The following MYO3B variants were observed in gnomAD, a reference collection of about 807,000 sequenced individuals.
MYO3B encodes the protein myosin IIIB, also known as myosin-IIIb.
MYO3B carries 156 observed loss-of-function variants against 174.6 expected under a neutral mutation model. The observed-to-expected ratio is 0.89, with a 90% confidence interval of 0.78 to 1.02. The LOEUF (loss-of-function observed/expected upper bound fraction) is 1.02, where lower values mean the gene tolerates loss of function less well. MYO3B is among the 50% of genes least tolerant of loss of function. The pLI, the probability that MYO3B is intolerant of heterozygous loss-of-function variation, is 0.00. For synonymous variants in MYO3B, 563 were observed against 569.1 expected, an observed-to-expected ratio of 0.99 and a Z score of 0.15; for missense variants, 1,632 against 1,639.4, an observed-to-expected ratio of 1.00 and a Z score of 0.08.
At chr2:170,337,235 C>T (rs2093952133) in intron 8 of MYO3B, among the ~76,000 whole-genome samples, 1 of 152,032 alleles carries the variant, frequency 6.6e-6, no homozygotes, top group Non-Finnish European at 1.5e-5. Context: ...CTTGGGACCA[C>T]ATTTCAGACC....
intron 32 of MYO3B, among the ~76,000 whole-genome samples, chr2:170,572,196 G>A (rs367571572): frequency 1.2e-4 from 18 of 152,146 alleles, no homozygotes; most frequent in Admixed American, 5.9e-4. Context: ...TTAGGAGGCC[G>A]AGGCGGGTGG....
intron 22 of MYO3B, among the ~76,000 whole-genome samples, chr2:170,429,240 G>A (rs1257603162): frequency 6.6e-6 from 1 of 152,200 alleles, no homozygotes; most frequent in African/African-American, 2.4e-5. Flanking sequence ...ACTGTGGAAT[G>A]TAACTTCTCT....
chr2:170,243,525 G>A (rs2093159130), intron 7 of MYO3B, among the ~76,000 whole-genome samples: 1 of 152,170 alleles, frequency 6.6e-6, no homozygotes, highest in Non-Finnish European at 1.5e-5. Flanking sequence ...ACTTGACCAA[G>A]TTACTGCATG....
intron 7 of MYO3B, among the ~76,000 whole-genome samples, chr2:170,329,481 A>T (rs1221847336): frequency 6.6e-6 from 1 of 151,278 alleles, no homozygotes; most frequent in Non-Finnish European, 1.5e-5. Context: ...CACAGGTTCC[A>T]GTGATTCTTC....
intron 32 of MYO3B, among the ~76,000 whole-genome samples, chr2:170,563,177 A>G (rs1219192527): frequency 2.0e-5 from 3 of 151,854 alleles, no homozygotes; most frequent in Admixed American, 6.6e-5. Flanking sequence ...ATCAAACAGA[A>G]TCTCAGCAGG....
intron 22 of MYO3B, among the ~76,000 whole-genome samples, chr2:170,434,558 C>G (rs772442077): frequency 6.6e-6 from 1 of 151,968 alleles, no homozygotes; most frequent in Non-Finnish European, 1.5e-5. Flanking sequence ...AAGAGAATGA[C>G]GGGTGAGTGC....
chr2:170,185,666 C>T (rs961974151), intron 1 of MYO3B, among the ~76,000 whole-genome samples: 3 of 152,010 alleles, frequency 2.0e-5, no homozygotes, highest in African/African-American at 7.2e-5. Flanking sequence ...GATGTTTTTT[C>T]TATTTATGTG....
intron 7 of MYO3B, among the ~76,000 whole-genome samples, chr2:170,272,544 A>T (rs554744271): frequency 6.6e-6 from 1 of 152,196 alleles, no homozygotes; most frequent in Non-Finnish European, 1.5e-5. Flanking sequence ...GACCAAGGCA[A>T]TGAATGCAGT....
rs2094678838 is a variant in MYO3B, at chr2:170,427,994, A to T, written c.2651-15973A>T. On this transcript the variant is annotated intron_variant, in intron 22 of 34. Coordinates refer to ENST00000408978, the MANE Select transcript of MYO3B (RefSeq NM_138995.5). ...AGAATAGATGTTATAAAGATGTTGA[A>T]AAATGAACACCTTGAATTCATTAAT... Among the ~76,000 whole-genome samples, 3 of 152,364 alleles carry T rather than the reference A, an allele frequency of 2.0e-5. No individual in the cohort carries two copies. The South Asian group carries it at 6.2e-4, about 32-fold the overall frequency.
intron 9 of MYO3B, 42 bp from the exon 10 acceptor site, chr2:170,381,974 A>G: frequency 1.3e-6 from 2 of 1,525,080 alleles, no homozygotes; most frequent in Admixed American, 3.3e-5. Context: ...CTGCTACATT[A>G]TTTGCTGTCT....
chr2:170,575,292 A>G (rs1692718035), intron 32 of MYO3B, among the ~76,000 whole-genome samples: 1 of 152,122 alleles, frequency 6.6e-6, no homozygotes, highest in South Asian at 2.1e-4. Flanking sequence ...TCATATATGT[A>G]TTTATATATT....
chr2:170,341,891 A>G (rs926189721), intron 8 of MYO3B, among the ~76,000 whole-genome samples: 2 of 152,168 alleles, frequency 1.3e-5, no homozygotes, highest in African/African-American at 4.8e-5. Context: ...CTTATACCCT[A>G]CTTATAAAGT....
At position 170,542,898 on chromosome 2, in the gene MYO3B, C is replaced by A. The variant is rs1168241627; in HGVS notation, c.3576-8C>A. On this transcript the variant is annotated splice_polypyrimidine_tract_variant and splice_region_variant and intron_variant, in intron 30 of 34. Transcript: ENST00000408978. The stretch of plus-strand genomic sequence containing the variant: ...CTTTTAAAATTATTATTATTGTTAT[C>A]TTTTCAGGCATTCACAAGCCCAGAG... 6.3e-7 allele frequency: 1 copy of A among 1,590,704 alleles called. No individual in the cohort carries two copies. Among genetic ancestry groups the A allele is most frequent in the East Asian group, 2.2e-5 (1 of 44,490 alleles).
intron 22 of MYO3B, among the ~76,000 whole-genome samples, chr2:170,414,402 T>TG (rs2094565250): frequency 6.6e-6 from 1 of 152,190 alleles, no homozygotes; most frequent in Admixed American, 6.5e-5. Flanking sequence ...TTGGCCAGGC[T>TG]GGTCTCGAAC....
chr2:170,600,634 T>C (rs1694447858), intron 32 of MYO3B, among the ~76,000 whole-genome samples: 1 of 152,240 alleles, frequency 6.6e-6, no homozygotes, highest in South Asian at 2.1e-4. Flanking sequence ...AAGACATCTA[T>C]AGCCAGCATT....
chr2:170,490,148 C>G (rs1686366939), intron 25 of MYO3B, among the ~76,000 whole-genome samples: 1 of 151,748 alleles, frequency 6.6e-6, no homozygotes, highest in African/African-American at 2.4e-5. Context: ...CCTGCCTCAG[C>G]CTCCCGAGTA....
chr2:170,330,328 AT>A (rs1426140354), intron 7 of MYO3B, among the ~76,000 whole-genome samples: 3 of 152,132 alleles, frequency 2.0e-5, no homozygotes, highest in Non-Finnish European at 4.4e-5. Context: ...TGTTCTCTTA[AT>A]TCATCTTCCA....
At chr2:170,309,190 A>G (rs2093721053) in intron 7 of MYO3B, among the ~76,000 whole-genome samples, 1 of 152,230 alleles carries the variant, frequency 6.6e-6, no homozygotes, top group African/African-American at 2.4e-5. Context: ...ACTAACAAAA[A>G]TATGATAGTA....
chr2:170,551,549 A>T (rs982036838), intron 32 of MYO3B, among the ~76,000 whole-genome samples: 10 of 140,370 alleles, frequency 7.1e-5, no homozygotes, highest in African/African-American at 2.9e-4. Flanking sequence ...AAAAAAAAAA[A>T]AAAAAAAAAA....
Sources: allele counts gnomAD v4.1 joint callset (sites outside exome capture counted in the v4.1 genomes callset), GRCh38; gene constraint gnomAD v4.1.1; transcripts MANE v1.5; gene names NCBI Gene and HGNC (gene_info 2026-07-23, HGNC 2026-07-21).